The following GALNT17 variants were observed in gnomAD, a reference collection of about 807,000 sequenced individuals.
GALNT17 encodes the protein polypeptide N-acetylgalactosaminyltransferase 17.
GALNT17 carries 29 observed loss-of-function variants against 63.7 expected under a neutral mutation model. That is an observed-to-expected ratio of 0.46 (90% CI 0.34 to 0.62). GALNT17 has a LOEUF of 0.62. Ranked by LOEUF, GALNT17 falls within the 20% of genes least tolerant of loss-of-function variation. The pLI, the probability that GALNT17 is intolerant of heterozygous loss-of-function variation, is 0.01. For synonymous variants in GALNT17, 305 were observed against 318.3 expected (o/e 0.96, Z 0.45); for missense variants, 603 against 799.6 (o/e 0.75, Z 2.97).
intron 5 of GALNT17, among the ~76,000 whole-genome samples, chr7:71,476,426 G>GA (rs1267420302): frequency 6.6e-6 from 1 of 151,330 alleles, no homozygotes; most frequent in African/African-American, 2.4e-5. Flanking sequence ...TGATGAGGGT[G>GA]AAAAAATACT....
At chr7:71,377,064 C>G (rs539810497) in intron 2 of GALNT17, among the ~76,000 whole-genome samples, 1 of 113,260 alleles carries the variant, frequency 8.8e-6, no homozygotes, top group African/African-American at 3.5e-5. Flanking sequence ...CCAGCCCGGG[C>G]AACAGAGCGA....
intron 1 of GALNT17, among the ~76,000 whole-genome samples, chr7:71,304,946 T>C (rs1375927268): frequency 6.6e-6 from 1 of 152,154 alleles, no homozygotes; most frequent in African/African-American, 2.4e-5. Flanking sequence ...GGTTTCACCA[T>C]GTTGGCCATG....
At chr7:71,176,838 C>T (rs962161537) in intron 1 of GALNT17, among the ~76,000 whole-genome samples, 5 of 152,198 alleles carry the variant, frequency 3.3e-5, no homozygotes, top group South Asian at 2.1e-4. Context: ...ATGCAACATT[C>T]GTTGATTTCA....
At chr7:71,345,482 C>T (rs1287457603) in intron 2 of GALNT17, among the ~76,000 whole-genome samples, 1 of 152,158 alleles carries the variant, frequency 6.6e-6, no homozygotes, top group Non-Finnish European at 1.5e-5. Flanking sequence ...AAATTCTAAC[C>T]CATTTTATCC....
chr7:71,347,365 C>A (rs1182483682), intron 2 of GALNT17, among the ~76,000 whole-genome samples: 1 of 152,086 alleles, frequency 6.6e-6, no homozygotes, highest in African/African-American at 2.4e-5. Context: ...GTGATGTAAT[C>A]ATATCTACTT....
At chr7:71,454,621 G>A (rs138228510) in intron 5 of GALNT17, among the ~76,000 whole-genome samples, 1 of 152,186 alleles carries the variant, frequency 6.6e-6, no homozygotes, top group East Asian at 1.9e-4. Context: ...TTTATGCTGA[G>A]TGGGGTGGCT....
intron 1 of GALNT17, among the ~76,000 whole-genome samples, chr7:71,303,731 TCCC>T (rs777515144): frequency 2.0e-5 from 3 of 151,746 alleles, no homozygotes; most frequent in Non-Finnish European, 2.9e-5. Flanking sequence ...TGGGCTGGAC[TCCC>T]CTCTAAAGAA....
At chr7:71,567,628 C>T (rs1325650779) in intron 5 of GALNT17, among the ~76,000 whole-genome samples, 1 of 152,154 alleles carries the variant, frequency 6.6e-6, no homozygotes, top group African/African-American at 2.4e-5. Flanking sequence ...CCACGCCCAG[C>T]TAATTTTTGT....
rs557758277 is a variant in GALNT17 at position 71,304,166 on chromosome 7, T to C, written c.239-31384T>C. 5.3e-5 allele frequency among the ~76,000 whole-genome samples: 8 copies of C among 152,350 alleles called. No individual in the cohort carries two copies. In the East Asian group the frequency reaches 1.5e-3, roughly 29 times the overall value. On this transcript the variant is annotated intron_variant, in intron 1 of 10. Transcript: ENST00000333538. ...AACCACGTAGTTGATTTTTGCAAGC[T>C]TTCCTTCATCAGAGAATGAGCAGTC...
intron 1 of GALNT17, among the ~76,000 whole-genome samples, chr7:71,232,456 T>G: frequency 6.7e-6 from 1 of 149,564 alleles, no homozygotes; most frequent in African/African-American, 2.5e-5. Flanking sequence ...TAGGGGGGAG[T>G]CACAGATATA....
intron 1 of GALNT17, among the ~76,000 whole-genome samples, chr7:71,263,717 A>T (rs1790432178): frequency 1.3e-5 from 2 of 151,854 alleles, no homozygotes; most frequent in Non-Finnish European, 2.9e-5. Flanking sequence ...AGGTCAGGAG[A>T]TCGAGACCAT....
intron 6 of GALNT17, among the ~76,000 whole-genome samples, chr7:71,591,106 G>C (rs761993069): frequency 2.0e-5 from 3 of 152,046 alleles, no homozygotes; most frequent in Non-Finnish European, 4.4e-5. Flanking sequence ...TCCCATGCTG[G>C]AATGCAGCGG....
chr7:71,370,430 C>T (rs1380895669), intron 2 of GALNT17, among the ~76,000 whole-genome samples: 3 of 152,146 alleles, frequency 2.0e-5, no homozygotes, highest in Admixed American at 2.0e-4. Context: ...TCCTGTGTAG[C>T]TGAGACTACA....
chr7:71,538,000 C>G (rs191698101), intron 5 of GALNT17, among the ~76,000 whole-genome samples: 2 of 152,046 alleles, frequency 1.3e-5, no homozygotes, highest in African/African-American at 4.8e-5. Flanking sequence ...GGACAGCCTG[C>G]CTACGCCTTG....
rs188606577 is a variant in GALNT17, at chr7:71,484,785, C to A, written c.962+63680C>A. On this transcript the variant is annotated intron_variant, in intron 5 of 10. Coordinates refer to ENST00000333538, the MANE Select transcript of GALNT17 (RefSeq NM_022479.3). ...TGAACCCAGACTGATACACTGGGAA[C>A]CCAGCATCAGGATTTTTTTTTTTTT... Among the ~76,000 whole-genome samples, 44 of 143,008 alleles carry A rather than the reference C, an allele frequency of 3.1e-4. 5 individuals carry two copies. The East Asian group carries it at 3.2e-3, about 10-fold the overall frequency. The allele number at this position is 143,008 out of a possible 152,430, so 93.8% of individuals were successfully genotyped here. A position where few individuals can be genotyped will look rare whatever the true frequency, so the allele number is the denominator to read the frequency against.
chr7:71,494,106 T>G (rs1788055015), intron 5 of GALNT17, among the ~76,000 whole-genome samples: 1 of 151,636 alleles, frequency 6.6e-6, no homozygotes, highest in East Asian at 1.9e-4. Flanking sequence ...CTCAGGAAAC[T>G]TATGATCATG....
intron 6 of GALNT17, among the ~76,000 whole-genome samples, chr7:71,633,103 CAAAA>C (rs71089970): frequency 1.4e-5 from 1 of 72,364 alleles, no homozygotes; most frequent in Non-Finnish European, 2.5e-5. Context: ...GACTCTGTCT[CAAAA>C]AAAAAAAAAA....
At chr7:71,224,860 A>G (rs924216453) in intron 1 of GALNT17, among the ~76,000 whole-genome samples, 1 of 152,180 alleles carries the variant, frequency 6.6e-6, no homozygotes, top group Non-Finnish European at 1.5e-5. Context: ...TGTTGTAGGA[A>G]GCCTCACCTA....
At chr7:71,348,048 G>C (rs1236366854) in intron 2 of GALNT17, among the ~76,000 whole-genome samples, 2 of 152,050 alleles carry the variant, frequency 1.3e-5, no homozygotes, top group African/African-American at 4.8e-5. Flanking sequence ...ATCTCTTGAG[G>C]TCAGGAGTTT....
Sources: gnomAD v4.1 joint callset for allele counts (sites outside exome capture counted in the v4.1 genomes callset) on GRCh38, gnomAD v4.1.1 for gene constraint, MANE v1.5 for transcripts, NCBI Gene and HGNC (gene_info 2026-07-23, HGNC 2026-07-21) for gene names.